NDUFAF2: variants seen among roughly 807,000 people sequenced by gnomAD.
NDUFAF2 encodes the protein NADH dehydrogenase [ubiquinone] 1 alpha subcomplex assembly factor 2.
In NDUFAF2, 13 loss-of-function variants were observed where a neutral mutation model predicts 22.8. The observed-to-expected ratio is 0.57, with a 90% CI of 0.37 to 0.91. The LOEUF (loss-of-function observed/expected upper bound fraction) is 0.91. Ranked by LOEUF, NDUFAF2 falls within the 40% of genes least tolerant of loss-of-function variation. The probability of loss-of-function intolerance (pLI) is 0.01; values close to 1 mark genes in which losing one functional copy is unlikely to be tolerated. For synonymous variants in NDUFAF2, 53 were observed against 64.2 expected (o/e 0.83, Z 0.84); for missense variants, 162 against 195.2 (o/e 0.83, Z 1.01).
At chr5:60,991,446 A>T (rs1468180565) in intron 1 of NDUFAF2, among the ~76,000 whole-genome samples, 1 of 151,976 alleles carries the variant, frequency 6.6e-6, no homozygotes, top group Non-Finnish European at 1.5e-5. Flanking sequence ...AACTATCCCT[A>T]CTTACCCTAC....
intron 3 of NDUFAF2, among the ~76,000 whole-genome samples, chr5:61,120,344 A>G (rs1482437417): frequency 6.6e-6 from 1 of 152,138 alleles, no homozygotes; most frequent in Non-Finnish European, 1.5e-5. Flanking sequence ...TTTATTTATT[A>G]ATTGTACAAG....
rs541691856 is a variant in NDUFAF2 at position 61,007,830 on chromosome 5, C to G, written c.127+62448C>G. On this transcript the variant is annotated intron_variant, in intron 1 of 3. Coordinates refer to ENST00000296597, the MANE Select transcript of NDUFAF2 (RefSeq NM_174889.5). ...TATACCCAAAGGACTATAAGTCATG[C>G]TGCTATAAAGACACATGCACACGTA... 8.5e-5 allele frequency among the ~76,000 whole-genome samples: 13 copies of G among 152,232 alleles called. No homozygotes were observed. The South Asian group carries it at 2.7e-3, about 32-fold the overall frequency.
chr5:61,003,674 A>C lies in NDUFAF2; in HGVS notation c.127+58292A>C, dbSNP rs375394811. Reference sequence around the variant, plus strand: ...TTTTTTTTTTTTTTTTTTAAGAGACAGGATCTTGCTCTGTCACCCAGGCTG... The same window carrying C: ...TTTTTTTTTTTTTTTTTTAAGAGACCGGATCTTGCTCTGTCACCCAGGCTG... On this transcript the variant is annotated intron_variant, in intron 1 of 3. Transcript: ENST00000296597. 1.8e-3 allele frequency among the ~76,000 whole-genome samples: 259 copies of C among 143,078 alleles called. 4 individuals are homozygous for C. The highest frequency in any genetic ancestry group is 6.5e-3 in the African/African-American group (252 of 38,560). The allele number at this position is 143,078 out of a possible 152,430, so 93.9% of individuals were successfully genotyped here.
At chr5:61,126,566 T>A (rs1048938172) in intron 3 of NDUFAF2, among the ~76,000 whole-genome samples, 2 of 152,060 alleles carry the variant, frequency 1.3e-5, no homozygotes, top group Non-Finnish European at 2.9e-5. Flanking sequence ...ACCAAATTGA[T>A]GTTGTTATCA....
chr5:60,966,368 T>C (rs1349452050), intron 1 of NDUFAF2, among the ~76,000 whole-genome samples: 1 of 152,192 alleles, frequency 6.6e-6, no homozygotes, highest in Non-Finnish European at 1.5e-5. Flanking sequence ...GCTTTTTAAT[T>C]AGAGGTAATC....
chr5:60,957,240 T>C (rs1750628566), intron 1 of NDUFAF2, among the ~76,000 whole-genome samples: 1 of 152,144 alleles, frequency 6.6e-6, no homozygotes, highest in African/African-American at 2.4e-5. Context: ...ATACTTGTGG[T>C]TAAATATAAT....
At chr5:60,966,648 T>C (rs1433078486) in intron 1 of NDUFAF2, among the ~76,000 whole-genome samples, 1 of 152,140 alleles carries the variant, frequency 6.6e-6, no homozygotes. Flanking sequence ...GGCATCTTTG[T>C]AAAAAATCTA....
At chr5:60,955,695 C>A (rs779756132) in intron 1 of NDUFAF2, among the ~76,000 whole-genome samples, 1 of 152,118 alleles carries the variant, frequency 6.6e-6, no homozygotes, top group Non-Finnish European at 1.5e-5. Flanking sequence ...TTCTTCCAGT[C>A]CATGAACATA....
intron 1 of NDUFAF2, among the ~76,000 whole-genome samples, chr5:60,952,415 A>G (rs1218516351): frequency 6.6e-6 from 1 of 151,742 alleles, no homozygotes; most frequent in East Asian, 1.9e-4. Flanking sequence ...TAACGAATAT[A>G]TTTTCTTATT....
chr5:60,999,217 C>T (rs1461862365), intron 1 of NDUFAF2, among the ~76,000 whole-genome samples: 1 of 151,964 alleles, frequency 6.6e-6, no homozygotes, highest in East Asian at 1.9e-4. Flanking sequence ...CAATTCCACT[C>T]CTAGGTATAT....
rs538417430 is a variant in NDUFAF2, at chr5:61,121,089, C to A, written c.258+22057C>A. On this transcript the variant is annotated intron_variant, in intron 3 of 3. Transcript: ENST00000296597. ...TAGGATACTAAGCAACAGTTGATTG[C>A]CTCTGATCTTATATCTTTAGGCATG... Among the ~76,000 whole-genome samples, 170 of 152,042 alleles carry A rather than the reference C, an allele frequency of 1.1e-3. 2 individuals carry two copies. Among genetic ancestry groups the A allele is most frequent in the Non-Finnish European group, 1.9e-3 (129 of 67,944 alleles).
chr5:61,019,245 G>T (rs535475387), intron 1 of NDUFAF2, among the ~76,000 whole-genome samples: 1 of 152,030 alleles, frequency 6.6e-6, no homozygotes, highest in Non-Finnish European at 1.5e-5. Context: ...TGTATTATGG[G>T]GATAACAATA....
chr5:60,967,065 G>A (rs558329847), intron 1 of NDUFAF2, among the ~76,000 whole-genome samples: 31 of 151,910 alleles, frequency 2.0e-4, no homozygotes, highest in African/African-American at 7.2e-4. Context: ...TCACCTCCTT[G>A]GCGAAATTTA....
chr5:61,005,364 T>A (rs1296974403), intron 1 of NDUFAF2, among the ~76,000 whole-genome samples: 1 of 152,192 alleles, frequency 6.6e-6, no homozygotes, highest in Non-Finnish European at 1.5e-5. Flanking sequence ...TGGTTCCAAG[T>A]CTTTGCTATT....
At chr5:61,070,018 T>C (rs1234229171) in intron 1 of NDUFAF2, among the ~76,000 whole-genome samples, 1 of 152,176 alleles carries the variant, frequency 6.6e-6, no homozygotes, top group Non-Finnish European at 1.5e-5. Flanking sequence ...TATTGTTTAG[T>C]ATTAAATAAA....
intron 3 of NDUFAF2, among the ~76,000 whole-genome samples, chr5:61,135,782 G>C (rs181038276): frequency 2.8e-4 from 43 of 151,970 alleles, no homozygotes; most frequent in Admixed American, 1.7e-3. Flanking sequence ...CCAGAATCAC[G>C]TGGGCAAGGC....
intron 1 of NDUFAF2, among the ~76,000 whole-genome samples, chr5:61,002,345 A>T (rs2112591565): frequency 6.6e-6 from 1 of 152,236 alleles, no homozygotes; most frequent in African/African-American, 2.4e-5. Flanking sequence ...CTCCTTTAGG[A>T]TCTTAAGTAG....
At chr5:61,060,106 C>CT (rs1045623539) in intron 1 of NDUFAF2, among the ~76,000 whole-genome samples, 50 of 151,344 alleles carry the variant, frequency 3.3e-4, no homozygotes, top group Non-Finnish European at 6.3e-4. Context: ...TACCCTATAC[C>CT]TTTTTTTTTC....
At chr5:61,008,486 A>T (rs1406040803) in intron 1 of NDUFAF2, among the ~76,000 whole-genome samples, 1 of 152,138 alleles carries the variant, frequency 6.6e-6, no homozygotes, top group African/African-American at 2.4e-5. Context: ...TAGTTCATCC[A>T]CACCTTATTT....
Sources: gnomAD v4.1 joint callset for allele counts (sites outside exome capture counted in the v4.1 genomes callset) on GRCh38, gnomAD v4.1.1 for gene constraint, MANE v1.5 for transcripts, NCBI Gene and HGNC (gene_info 2026-07-23, HGNC 2026-07-21) for gene names.